Variants in NBPF8 observed in about 807,000 individuals in gnomAD.
NBPF8 encodes the protein NBPF family member NBPF8.
At chr1:120,433,005 C>T (rs1431277307), upstream of NBPF8, 8 of 152,148 alleles carry the variant, frequency 5.3e-5, no homozygotes, top group Non-Finnish European at 1.2e-4. Flanking sequence ...AGAATCATTA[C>T]ATGCTTAACA....
intron 16 of NBPF8, among the ~76,000 whole-genome samples, chr1:120,456,289 T>G (rs1661434398): frequency 6.6e-6 from 1 of 150,882 alleles, no homozygotes; most frequent in Non-Finnish European, 1.5e-5. Context: ...GTCTGCTTGG[T>G]GGAGAGCTGA....
chr1:120,425,581 G>A (rs1660701254), intron 1 of NBPF8, among the ~76,000 whole-genome samples: 1 of 152,146 alleles, frequency 6.6e-6, no homozygotes, highest in African/African-American at 2.4e-5. Context: ...GTGCCAGCAT[G>A]GGTCCTCCGT....
At chr1:120,423,115 A>G (rs1660617850) in intron 1 of NBPF8, among the ~76,000 whole-genome samples, 1 of 134,808 alleles carries the variant, frequency 7.4e-6, no homozygotes, top group South Asian at 2.2e-4. Context: ...ACACAACAGA[A>G]GTTTTTAATT....
intron 15 of NBPF8, among the ~76,000 whole-genome samples, 196 bp downstream of exon 13, chr1:120,454,310 A>T (rs1661373192): frequency 6.6e-6 from 1 of 152,070 alleles, no homozygotes; most frequent in Non-Finnish European, 1.5e-5. Flanking sequence ...AAGTTACTCA[A>T]CCCCAGGCAA....
At chr1:120,431,646 A>C (rs1203775327), upstream of NBPF8, among the ~76,000 whole-genome samples, 2 of 150,698 alleles carry the variant, frequency 1.3e-5, no homozygotes, top group Non-Finnish European at 3.0e-5. Flanking sequence ...GTTGGTGAGG[A>C]TATAAAGCAC....
chr1:120,419,283 C>T (rs1416250694), upstream of NBPF8, among the ~76,000 whole-genome samples: 4 of 152,150 alleles, frequency 2.6e-5, no homozygotes, highest in African/African-American at 7.2e-5. Context: ...CATAACCTAG[C>T]GAAAGCTCAG....
At chr1:120,422,775 G>T (rs1266489837) in intron 1 of NBPF8, among the ~76,000 whole-genome samples, 1 of 113,910 alleles carries the variant, frequency 8.8e-6, no homozygotes, top group African/African-American at 4.5e-5. Context: ...GAGAGTTCTG[G>T]TTGTTCCTCA....
At chr1:120,436,375 T>A (rs1661076825) in exon 1 of NBPF8, 8 of 1,541,802 alleles carry the variant, frequency 5.2e-6, no homozygotes, top group Non-Finnish European at 6.1e-6. Flanking sequence ...GTGATCACAT[T>A]TTTCACAACA....
At chr1:120,456,163 C>T (rs1661430061) in intron 16 of NBPF8, among the ~76,000 whole-genome samples, 1 of 151,524 alleles carries the variant, frequency 6.6e-6, no homozygotes, top group African/African-American at 2.4e-5. Context: ...TTTACATTTG[C>T]TGACGAGTGC....
At chr1:120,420,425 T>G (rs1660541615) in intron 1 of NBPF8, among the ~76,000 whole-genome samples, 5 of 134,214 alleles carry the variant, frequency 3.7e-5, no homozygotes, top group East Asian at 2.3e-4. Context: ...TTACCCCCCA[T>G]TCTCTGCCCC....
chr1:120,460,641 G>T lies in NBPF8; in HGVS notation n.2836+17G>T, dbSNP rs1317050130. ...AGGTCCCAGGTGAGTCTGAGAAATT[G>T]TGGACAGTTAATTTGATGTTGACAC... On this transcript the variant is annotated intron_variant and non_coding_transcript_variant, in intron 18 of 24. Coordinates refer to ENST00000583271, the Ensembl canonical transcript of NBPF8. The T allele has an allele frequency of 1.3e-5, 15 of 1,160,192 alleles. No individual in the cohort carries two copies. Among genetic ancestry groups the T allele is most frequent in the East Asian group, 1.2e-4 (5 of 42,646 alleles). The allele number at this position is 1,160,192 out of a possible 1,614,324, so 71.9% of individuals were successfully genotyped here.
At chr1:120,456,585 C>T (rs1256412643) in intron 16 of NBPF8, among the ~76,000 whole-genome samples, 10 of 130,444 alleles carry the variant, frequency 7.7e-5, no homozygotes, top group Non-Finnish European at 1.6e-4. Flanking sequence ...AGGATTGCAA[C>T]CCCTGCCTTT....
intron 15 of NBPF8, among the ~76,000 whole-genome samples, chr1:120,455,112 T>C (rs1312590818): frequency 2.0e-5 from 3 of 150,134 alleles, no homozygotes; most frequent in African/African-American, 7.4e-5. Context: ...TCTTAGAAAA[T>C]TGTTTGACCA....
intron 1 of NBPF8, among the ~76,000 whole-genome samples, chr1:120,420,561 G>A (rs1331120389): frequency 6.6e-6 from 1 of 150,834 alleles, no homozygotes; most frequent in East Asian, 2.0e-4. Context: ...TGTCCTGGGT[G>A]GGGAGATGTG....
At chr1:120,434,430 C>T (rs1235678896), upstream of NBPF8, among the ~76,000 whole-genome samples, 32 of 140,260 alleles carry the variant, frequency 2.3e-4, no homozygotes, top group Non-Finnish European at 4.5e-5. Flanking sequence ...TATATATATA[C>T]GTGTGCCATG....
chr1:120,434,990 AT>A (rs1390452823), upstream of NBPF8, among the ~76,000 whole-genome samples: 1 of 68,934 alleles, frequency 1.5e-5, no homozygotes, highest in East Asian at 2.4e-4. Flanking sequence ...ACAGCAAAAA[AT>A]ATGTATGTAT....
At chr1:120,452,385 C>T (rs1349642605) in intron 13 of NBPF8, 54 bp downstream of exon 11, 1 of 909,984 alleles carries the variant, frequency 1.1e-6, no homozygotes, top group East Asian at 2.5e-5. Flanking sequence ...TGAGAGACTC[C>T]AGACCTCCAT....
chr1:120,469,139 C>G (rs1661838371), downstream of NBPF8, among the ~76,000 whole-genome samples: 1 of 90,318 alleles, frequency 1.1e-5, no homozygotes, highest in African/African-American at 4.7e-5. Context: ...CATTGGCTGG[C>G]TTCACCAATC....
upstream of NBPF8, chr1:120,436,345 G>T (rs1347965446): frequency 2.5e-5 from 38 of 1,537,316 alleles, 1 homozygote; most frequent in Admixed American, 2.6e-4. Flanking sequence ...TGTGGTGAAG[G>T]ATCCTAAAGT....
Sources: allele counts gnomAD v4.1 joint callset (sites outside exome capture counted in the v4.1 genomes callset), GRCh38; gene constraint gnomAD v4.1.1; transcripts MANE v1.5; gene names NCBI Gene and HGNC (gene_info 2026-07-23, HGNC 2026-07-21).